SRPK2: variants seen among roughly 807,000 people sequenced by gnomAD.
SRPK2 encodes the protein SRSF protein kinase 2.
Under a neutral mutation model 90.8 loss-of-function variants are expected in SRPK2, and 21 were observed. That is an observed-to-expected ratio of 0.23 (90% confidence interval 0.16 to 0.33). SRPK2 has a LOEUF of 0.33. Among genes scored for constraint, SRPK2 ranks in the 10% least tolerant of loss-of-function variants. The pLI, the probability that SRPK2 is intolerant of heterozygous loss-of-function variation, is 1.00. For synonymous variants in SRPK2, 288 were observed against 311.1 expected, an observed-to-expected ratio of 0.93 and a Z score of 0.78; for missense variants, 620 against 869.0, an observed-to-expected ratio of 0.71 and a Z score of 3.60.
At chr7:105,118,241 TAATTAATA>T (rs1799837968) in intron 15 of SRPK2, among the ~76,000 whole-genome samples, 1 of 152,244 alleles carries the variant, frequency 6.6e-6, no homozygotes, top group South Asian at 2.1e-4. Context: ...AAATAGAGGT[TAATTAATA>T]GTTCATTCAC....
At chr7:105,267,083 TG>T (rs1330389583) in intron 2 of SRPK2, among the ~76,000 whole-genome samples, 2 of 152,216 alleles carry the variant, frequency 1.3e-5, no homozygotes, top group African/African-American at 4.8e-5. Context: ...GAAGCAATAG[TG>T]GCTGATTTCT....
chr7:105,350,901 G>A (rs779899342), intron 2 of SRPK2, among the ~76,000 whole-genome samples: 4 of 152,268 alleles, frequency 2.6e-5, no homozygotes, highest in Admixed American at 2.0e-4. Context: ...AAGAAGCCAC[G>A]TCTGCCAGCC....
intron 15 of SRPK2, among the ~76,000 whole-genome samples, chr7:105,121,028 A>AAAAGCTCTTACT (rs1554406012): frequency 3.3e-5 from 5 of 152,156 alleles, no homozygotes; most frequent in Non-Finnish European, 7.4e-5. Context: ...TGCTCTTACT[A>AAAAGCTCTTACT]TAAAAGTAGC....
At chr7:105,173,684 G>T (rs139810333) in intron 3 of SRPK2, among the ~76,000 whole-genome samples, 1 of 152,156 alleles carries the variant, frequency 6.6e-6, no homozygotes, top group Non-Finnish European at 1.5e-5. Flanking sequence ...AACAAGTACA[G>T]TCACTAGACA....
At chr7:105,309,292 A>C (rs1284317481) in intron 2 of SRPK2, among the ~76,000 whole-genome samples, 1 of 152,138 alleles carries the variant, frequency 6.6e-6, no homozygotes, top group Non-Finnish European at 1.5e-5. Context: ...AAGTACAGAC[A>C]ATATGTCCAT....
intron 2 of SRPK2, among the ~76,000 whole-genome samples, chr7:105,351,938 CCCCAG>C: frequency 4.1e-3 from 1 of 242 alleles, no homozygotes; most frequent in African/African-American, 0.02. Context: ...GTTTGATGAT[CCCCAG>C]TCTCAGAAAT....
chr7:105,356,042 T>C (rs1235124338), intron 2 of SRPK2, among the ~76,000 whole-genome samples: 1 of 152,102 alleles, frequency 6.6e-6, no homozygotes, highest in Non-Finnish European at 1.5e-5. Flanking sequence ...AGTGAGACTC[T>C]AAAATAAATA....
At chr7:105,301,444 TCTGGGCCG>T in intron 2 of SRPK2, 1 of 811,498 alleles carries the variant, frequency 1.2e-6, no homozygotes, top group Admixed American at 2.0e-5. Flanking sequence ...TCGCCGGGCC[TCTGGGCCG>T]CTGCCCTCGC....
Position 105,149,141 on chromosome 7 carries a change from T to G in SRPK2, c.622-2483A>C, listed in dbSNP as rs192922034. Among the ~76,000 whole-genome samples the G allele has an allele frequency of 2.4e-3, 364 of 152,158 alleles. 1 individual carries two copies. Among genetic ancestry groups the G allele is most frequent in the Middle Eastern group, 0.01 (3 of 294 alleles). On this transcript the variant is annotated intron_variant, in intron 7 of 15. Coordinates refer to ENST00000393651, the MANE Select transcript of SRPK2 (RefSeq NM_182692.3). Reference sequence around the variant, plus strand: ...AGAGGAAAGCCTCTTGCAGTTGAGATAGAGGAAGGCCACTGTCTCCTGCCT... The same window carrying G: ...AGAGGAAAGCCTCTTGCAGTTGAGAGAGAGGAAGGCCACTGTCTCCTGCCT...
At chr7:105,217,995 A>T (rs1054339894) in intron 2 of SRPK2, among the ~76,000 whole-genome samples, 1 of 152,230 alleles carries the variant, frequency 6.6e-6, no homozygotes, top group Non-Finnish European at 1.5e-5. Flanking sequence ...TCTCAAAGAA[A>T]GGAGAGAAAA....
At chr7:105,289,064 G>C (rs944298176) in intron 2 of SRPK2, among the ~76,000 whole-genome samples, 2 of 147,034 alleles carry the variant, frequency 1.4e-5, no homozygotes, top group South Asian at 2.1e-4. Context: ...AGACCGTCTT[G>C]GCTAACATGG....
At chr7:105,398,555 T>C (rs948630390) in intron 1 of SRPK2, among the ~76,000 whole-genome samples, 3 of 152,182 alleles carry the variant, frequency 2.0e-5, no homozygotes, top group Non-Finnish European at 4.4e-5. Flanking sequence ...AGCTAATTTT[T>C]GTATTTTTAG....
chr7:105,258,765 A>G (rs993825039), intron 2 of SRPK2, among the ~76,000 whole-genome samples: 1 of 152,170 alleles, frequency 6.6e-6, no homozygotes, highest in Non-Finnish European at 1.5e-5. Context: ...ATCACATAAA[A>G]ACAGAACCAA....
chr7:105,131,205 C>T (rs1801948213), intron 13 of SRPK2, among the ~76,000 whole-genome samples: 1 of 152,184 alleles, frequency 6.6e-6, no homozygotes, highest in Non-Finnish European at 1.5e-5. Flanking sequence ...TTCGGGGCAG[C>T]CCTGCTGCTA....
chr7:105,237,224 G>C (rs1175190139), intron 2 of SRPK2, among the ~76,000 whole-genome samples: 7 of 152,194 alleles, frequency 4.6e-5, no homozygotes, highest in Admixed American at 6.5e-5. Context: ...GCTGCCAGAT[G>C]ATTTTTTATT....
At chr7:105,235,600 C>T (rs1296938276) in intron 2 of SRPK2, among the ~76,000 whole-genome samples, 1 of 152,126 alleles carries the variant, frequency 6.6e-6, no homozygotes, top group East Asian at 1.9e-4. Flanking sequence ...TATACACAAA[C>T]AAATATATCC....
chr7:105,164,934 C>G (rs1231824188), intron 6 of SRPK2, among the ~76,000 whole-genome samples: 2 of 152,218 alleles, frequency 1.3e-5, no homozygotes, highest in East Asian at 3.8e-4. Flanking sequence ...TAGCACCCAT[C>G]AGTCATGTGC....
chr7:105,261,434 T>C (rs1217163935), intron 2 of SRPK2, among the ~76,000 whole-genome samples: 3 of 151,414 alleles, frequency 2.0e-5, no homozygotes, highest in Non-Finnish European at 4.4e-5. Flanking sequence ...GGCAGGAGAA[T>C]GGCGTGAACC....
chr7:105,134,144 T>C (rs1456076805), intron 11 of SRPK2, among the ~76,000 whole-genome samples: 4 of 152,148 alleles, frequency 2.6e-5, no homozygotes, highest in Admixed American at 1.3e-4. Context: ...GCCTGTTCAA[T>C]GTAGAACATT....
Sources: gnomAD v4.1 joint callset for allele counts (sites outside exome capture counted in the v4.1 genomes callset) on GRCh38, gnomAD v4.1.1 for gene constraint, MANE v1.5 for transcripts, NCBI Gene and HGNC (gene_info 2026-07-23, HGNC 2026-07-21) for gene names.